The following TRPS1 variants were observed in gnomAD, a reference collection of about 807,000 sequenced individuals.
TRPS1 encodes transcriptional repressor GATA binding 1.
Under a neutral mutation model 101.2 loss-of-function variants are expected in TRPS1, and 6 were observed. That is an observed-to-expected ratio of 0.06 (90% CI 0.03 to 0.12). The LOEUF is 0.12. Among genes scored for constraint, TRPS1 ranks in the 10% least tolerant of loss-of-function variants. The pLI, the probability that TRPS1 is intolerant of heterozygous loss-of-function variation, is 1.00. For synonymous variants in TRPS1, 578 were observed against 589.8 expected (o/e 0.98, Z 0.29); for missense variants, 1,363 against 1,567.0 (o/e 0.87, Z 2.20).
chr8:115,513,569 T>C (rs1372732518), intron 5 of TRPS1, among the ~76,000 whole-genome samples: 1 of 151,682 alleles, frequency 6.6e-6, no homozygotes, highest in Non-Finnish European at 1.5e-5. Context: ...CCAATGTCTA[T>C]GCTATAAGTA....
At chr8:115,557,158 T>C (rs1302481375) in intron 5 of TRPS1, among the ~76,000 whole-genome samples, 1 of 151,998 alleles carries the variant, frequency 6.6e-6, no homozygotes, top group East Asian at 1.9e-4. Flanking sequence ...CTCACTATCA[T>C]GAGAACACCA....
intron 5 of TRPS1, among the ~76,000 whole-genome samples, chr8:115,558,515 T>C (rs1384102629): frequency 6.6e-6 from 1 of 152,210 alleles, no homozygotes; most frequent in African/African-American, 2.4e-5. Flanking sequence ...CAACTAATCT[T>C]GCTTCTCAAT....
intron 5 of TRPS1, among the ~76,000 whole-genome samples, chr8:115,513,809 C>G (rs1412850587): frequency 6.6e-6 from 1 of 151,532 alleles, no homozygotes; most frequent in East Asian, 1.9e-4. Flanking sequence ...ACAGCACACT[C>G]CTATATTATA....
intron 5 of TRPS1, among the ~76,000 whole-genome samples, chr8:115,534,019 T>C (rs1816217068): frequency 6.6e-6 from 1 of 152,076 alleles, no homozygotes; most frequent in South Asian, 2.1e-4. Context: ...CCCAATACCA[T>C]CACACTGGAG....
At chr8:115,603,200 GT>G (rs1817948711) in intron 4 of TRPS1, among the ~76,000 whole-genome samples, 1 of 152,162 alleles carries the variant, frequency 6.6e-6, no homozygotes, top group African/African-American at 2.4e-5. Flanking sequence ...GAAAGTTAAT[GT>G]TTATAAAGAG....
intron 5 of TRPS1, among the ~76,000 whole-genome samples, chr8:115,574,115 T>G (rs1817266304): frequency 6.6e-6 from 1 of 152,194 alleles, no homozygotes; most frequent in Non-Finnish European, 1.5e-5. Flanking sequence ...CTTGATATAC[T>G]CATTTTCATA....
chr8:115,658,354 C>T (rs115933446), intron 1 of TRPS1, among the ~76,000 whole-genome samples: 2,371 of 152,126 alleles, frequency 0.016, 65 homozygotes, highest in African/African-American at 0.053. Context: ...ATCTAAAATT[C>T]CCAAGTACAA....
chr8:115,570,643 G>C (rs1817178948), intron 5 of TRPS1, among the ~76,000 whole-genome samples: 1 of 150,994 alleles, frequency 6.6e-6, no homozygotes, highest in South Asian at 2.1e-4. Flanking sequence ...TTGTCTAAAA[G>C]CTCCTTGCTT....
chr8:115,544,916 C>G (rs1343037313), intron 5 of TRPS1, among the ~76,000 whole-genome samples: 1 of 151,716 alleles, frequency 6.6e-6, no homozygotes, highest in Non-Finnish European at 1.5e-5. Context: ...TTTTTTGGTT[C>G]CCCTCTTTTA....
intron 5 of TRPS1, among the ~76,000 whole-genome samples, chr8:115,559,630 G>T (rs549845670): frequency 6.6e-6 from 1 of 152,154 alleles, no homozygotes; most frequent in South Asian, 2.1e-4. Context: ...ATGTGTGAAT[G>T]AATCTAGCTT....
intron 5 of TRPS1, among the ~76,000 whole-genome samples, chr8:115,429,726 A>C (rs2129822789): frequency 6.6e-6 from 1 of 152,302 alleles, no homozygotes; most frequent in South Asian, 2.1e-4. Context: ...CTCTGAAAAT[A>C]TAACACTAAC....
intron 1 of TRPS1, among the ~76,000 whole-genome samples, chr8:115,665,693 C>T (rs1811905962): frequency 1.3e-5 from 2 of 152,114 alleles, no homozygotes; most frequent in Admixed American, 1.3e-4. Context: ...ATGCTAAGTT[C>T]TAAATTCAGC....
At chr8:115,475,908 T>C (rs1436651234) in intron 5 of TRPS1, among the ~76,000 whole-genome samples, 2 of 151,348 alleles carry the variant, frequency 1.3e-5, no homozygotes, top group Admixed American at 6.6e-5. Context: ...GCACAGAAAG[T>C]AAGCAACAAA....
At chr8:115,628,588 G>C (rs1173412799) in intron 1 of TRPS1, among the ~76,000 whole-genome samples, 1 of 151,678 alleles carries the variant, frequency 6.6e-6, no homozygotes, top group Non-Finnish European at 1.5e-5. Flanking sequence ...GATATGAAAA[G>C]CTTTATATAT....
intron 5 of TRPS1, among the ~76,000 whole-genome samples, chr8:115,420,988 C>CTTT (rs145159726): frequency 7.2e-6 from 1 of 138,424 alleles, no homozygotes; most frequent in African/African-American, 2.6e-5. Context: ...TACTGTGATT[C>CTTT]TTTTTTTTTT....
At chr8:115,499,713 C>T (rs184212671) in intron 5 of TRPS1, among the ~76,000 whole-genome samples, 128 of 152,236 alleles carry the variant, frequency 8.4e-4, no homozygotes, top group African/African-American at 2.9e-3. Context: ...TTCCTTGGTG[C>T]AGAAGAAATG....
At chr8:115,550,018 C>T (rs1237510993) in intron 5 of TRPS1, among the ~76,000 whole-genome samples, 5 of 152,162 alleles carry the variant, frequency 3.3e-5, no homozygotes, top group Admixed American at 3.3e-4. Context: ...GAGTTTGAGA[C>T]CAGCCTGACC....
chr8:115,604,341 A>C lies in TRPS1; in HGVS notation c.1628T>G (p.Phe543Cys). The C allele has an allele frequency of 6.2e-7, 1 of 1,614,064 alleles. No individual in the cohort carries two copies. Among genetic ancestry groups the C allele is most frequent in the Non-Finnish European group, 8.5e-7 (1 of 1,179,978 alleles). The change falls in exon 4 of 7, where the codon TTC becomes TGC. Residue 543 changes from phenylalanine (F) to cysteine (C), a missense_variant. Coordinates refer to ENST00000395715, the MANE Select transcript of TRPS1 (RefSeq NM_014112.5). This position sits in a 1 kb window ranked among gnomAD's most constrained non-coding sequence, Gnocchi z 4.1. The part of the protein sequence containing the change: ...VTSYNCQFCD[F>C]RYSKSHGPDV... ...AGGGCCATGGCTTTTGGAATATCGG[A>C]AGTCACAGAACTGACAATTATAGCT...
At chr8:115,421,323 C>T (rs959738887) in intron 5 of TRPS1, among the ~76,000 whole-genome samples, 6 of 151,838 alleles carry the variant, frequency 4.0e-5, no homozygotes, top group South Asian at 2.1e-4. Flanking sequence ...GCAATTAAAA[C>T]GGTGCCAGGG....
Sources: gnomAD v4.1 joint callset for allele counts (sites outside exome capture counted in the v4.1 genomes callset) on GRCh38, gnomAD v4.1.1 for gene constraint, Gnocchi (gnomAD v3.1) non-coding constraint, MANE v1.5 for transcripts, NCBI Gene and HGNC (gene_info 2026-07-23, HGNC 2026-07-21) for gene names.